ZFP64: variants seen among roughly 807,000 people sequenced by gnomAD.
ZFP64 encodes zinc finger protein 64.
In ZFP64, 14 loss-of-function variants were observed where a neutral mutation model predicts 51.6. The ratio of observed to expected loss-of-function variants is 0.27; its 90% confidence interval spans 0.18 to 0.42. The LOEUF is 0.42. ZFP64 is among the 10% of genes least tolerant of loss of function. ZFP64 has a pLI of 1.00. For synonymous variants in ZFP64, 375 were observed against 361.4 expected (o/e 1.04, Z -0.43); for missense variants, 754 against 906.8 (o/e 0.83, Z 2.16).
intron 1 of ZFP64, among the ~76,000 whole-genome samples, chr20:52,187,678 AC>A (rs1373368492): frequency 2.6e-5 from 4 of 152,006 alleles, no homozygotes; most frequent in Non-Finnish European, 5.9e-5. Context: ...TTATCCAACC[AC>A]ATATGCACAA....
At chr20:52,182,581 T>C (rs192819874) in intron 2 of ZFP64, among the ~76,000 whole-genome samples, 154 of 152,224 alleles carry the variant, frequency 1.0e-3, no homozygotes, top group African/African-American at 3.5e-3. Context: ...TGGCTGGATA[T>C]GGTGGCGCAG....
intron 5 of ZFP64, among the ~76,000 whole-genome samples, chr20:52,119,576 A>ACACACACACACACACACATACATACAC (rs1555802579): frequency 7.5e-6 from 1 of 132,554 alleles, no homozygotes; most frequent in Non-Finnish European, 1.6e-5. Flanking sequence ...ATACACACAC[A>ACACACACACACACACACATACATACAC]ACACACACAC....
At chr20:52,137,360 G>C (rs1167361503) in intron 5 of ZFP64, among the ~76,000 whole-genome samples, 1 of 152,024 alleles carries the variant, frequency 6.6e-6, no homozygotes, top group Non-Finnish European at 1.5e-5. Flanking sequence ...AGGACCTAGG[G>C]CATCTAAGAA....
chr20:52,117,149 T>A (rs1188779902), intron 5 of ZFP64, among the ~76,000 whole-genome samples: 1 of 152,222 alleles, frequency 6.6e-6, no homozygotes, highest in African/African-American at 2.4e-5. Flanking sequence ...CTTTCCTGAT[T>A]CACATGTGAA....
chr20:52,139,575 C>T (rs1980151627), intron 5 of ZFP64, among the ~76,000 whole-genome samples: 1 of 152,010 alleles, frequency 6.6e-6, no homozygotes, highest in Non-Finnish European at 1.5e-5. Flanking sequence ...GTGACCAAAC[C>T]ATTCATACCC....
In ZFP64 at chr20:52,152,606, T is replaced by C; in HGVS notation, c.1586A>G (p.Gln529Arg). Residue 529 changes from glutamine (Q) to arginine (R), a missense_variant, in exon 6 of 6, where the codon CAG (glutamine) becomes CGG (arginine). By Grantham distance (43) the Gln-to-Arg change is conservative. Around this residue, in one of 3 missense-constraint regions of ZFP64, gnomAD observed 428 missense variants for 472.4 expected, o/e 0.91. Transcript: ENST00000216923. ...GTTCCCTGGGAGTTCCTCTGGGTTC[T>C]GGGCCACCAAGGCAGGCGGGACGAT... ...VNIVPPALVA[Q>R]NPEELPGNSR... is the part of the protein sequence containing the mutation. 1 of 1,541,500 alleles carries C rather than the reference T, an allele frequency of 6.5e-7. No individual in the cohort carries two copies. The highest frequency in any genetic ancestry group is 8.7e-7 in the Non-Finnish European group (1 of 1,148,598).
chr20:52,133,549 A>G (rs570812955), intron 5 of ZFP64, among the ~76,000 whole-genome samples: 1 of 152,340 alleles, frequency 6.6e-6, no homozygotes, highest in African/African-American at 2.4e-5. Flanking sequence ...AATCAGTAGC[A>G]TTTCTATACG....
intron 7 of ZFP64, chr20:52,088,841 G>A (rs1025484971): frequency 2.7e-6 from 2 of 753,416 alleles, no homozygotes; most frequent in African/African-American, 3.5e-5. Flanking sequence ...GAAATCCTAA[G>A]GGAAAGATGA....
At chr20:52,171,113 G>T (rs1418230405) in intron 2 of ZFP64, among the ~76,000 whole-genome samples, 1 of 152,350 alleles carries the variant, frequency 6.6e-6, no homozygotes, top group East Asian at 1.9e-4. Flanking sequence ...GGGTGCTGAA[G>T]ACTCTCATCC....
intron 4 of ZFP64, among the ~76,000 whole-genome samples, chr20:52,163,199 A>G (rs930385705): frequency 2.6e-5 from 4 of 152,114 alleles, no homozygotes; most frequent in African/African-American, 9.7e-5. Context: ...CGTCTCTACT[A>G]AAAATACAAA....
chr20:52,098,400 G>C (rs200816592), intron 6 of ZFP64: 1 of 1,610,182 alleles, frequency 6.2e-7, no homozygotes, highest in South Asian at 1.1e-5. Flanking sequence ...TCAGTGCTTG[G>C]CTCAGAAGCG....
chr20:52,175,844 C>CT, intron 2 of ZFP64: 1 of 162,590 alleles, frequency 6.2e-6, no homozygotes, highest in Non-Finnish European at 1.3e-5. Context: ...CCGTTCCCTT[C>CT]CCCCCGCACC....
In ZFP64 at chr20:52,095,202, C is replaced by T. The variant is rs572244052; in HGVS notation, c.976+2171G>A. Among the ~76,000 whole-genome samples, 349 of 152,318 alleles carry T rather than the reference C, an allele frequency of 2.3e-3. 2 individuals are homozygous for T. The highest frequency in any genetic ancestry group is 6.4e-3 in the African/African-American group (266 of 41,568). ...CCTTCTTTGCAGCTGGGCACACAACCGCACAGGAGAAACTTCCTTTTCCCA... is the reference window on the plus strand; with the variant it reads ...CCTTCTTTGCAGCTGGGCACACAACTGCACAGGAGAAACTTCCTTTTCCCA... On this transcript the variant is annotated intron_variant, in intron 7 of 8. Coordinates refer to the ZFP64 transcript ENST00000361387.
intron 1 of ZFP64, among the ~76,000 whole-genome samples, chr20:52,188,475 C>T (rs867727360): frequency 8.0e-5 from 12 of 150,706 alleles, no homozygotes; most frequent in Admixed American, 4.6e-4. Context: ...CCACTACGCT[C>T]GACTAATTTT....
chr20:52,089,029 C>A (rs756721958), intron 7 of ZFP64: 1 of 521,604 alleles, frequency 1.9e-6, no homozygotes, highest in Non-Finnish European at 3.8e-6. Flanking sequence ...AAACAGCAAG[C>A]AGCACGGCAT....
chr20:52,164,699 G>T lies in ZFP64; in HGVS notation c.507C>A (p.His169Gln), dbSNP rs774845343. Residue 169 changes from histidine to glutamine, a missense_variant, in exon 4 of 6, where the codon CAC becomes CAA. Transcript: ENST00000216923. ...MKDMERHLKIHTGDKPHKCEV... is the reference protein window; with the variant it reads ...MKDMERHLKIQTGDKPHKCEV... ...CGCTAAAGAAATGCTACTTACCCGT[G>T]TGAATTTTTAAATGCCGCTCCATGT... 1 of 1,613,636 alleles carries T rather than the reference G, an allele frequency of 6.2e-7. No individual in the cohort carries two copies. The highest frequency in any genetic ancestry group is 8.5e-7 in the Non-Finnish European group (1 of 1,179,806).
At chr20:52,141,556 T>C (rs1980255835) in intron 5 of ZFP64, among the ~76,000 whole-genome samples, 1 of 152,096 alleles carries the variant, frequency 6.6e-6, no homozygotes, top group Non-Finnish European at 1.5e-5. Context: ...ATGGTAGAGA[T>C]TGCAAGAGAA....
intron 5 of ZFP64, among the ~76,000 whole-genome samples, chr20:52,106,397 G>A (rs935815337): frequency 1.3e-5 from 2 of 152,118 alleles, no homozygotes; most frequent in Non-Finnish European, 1.5e-5. Flanking sequence ...TCACGTGGGG[G>A]CCCTTGTTTC....
chr20:52,097,427 A>G, exon 7 of ZFP64: 4 of 1,606,014 alleles, frequency 2.5e-6, no homozygotes, highest in Non-Finnish European at 3.4e-6. Flanking sequence ...ACAGTTTTGA[A>G]GTGGCAACCT....
Sources: gnomAD v4.1 joint callset for allele counts (sites outside exome capture counted in the v4.1 genomes callset) on GRCh38, gnomAD v4.1.1 for gene constraint, gnomAD v4.1.1 regional missense constraint, MANE v1.5 for transcripts, NCBI Gene and HGNC (gene_info 2026-07-23, HGNC 2026-07-21) for gene names.